Variants in XRCC4 observed in about 807,000 individuals in gnomAD.
XRCC4 encodes the protein X-ray repair cross complementing 4, also known as DNA repair protein XRCC4.
XRCC4 carries 28 observed loss-of-function variants against 39.1 expected under a neutral mutation model. The ratio of observed to expected loss-of-function variants is 0.72; its 90% CI spans 0.53 to 0.98. The LOEUF (loss-of-function observed/expected upper bound fraction) is 0.98, where lower values mean the gene tolerates loss of function less well. Among genes scored for constraint, XRCC4 ranks in the 50% least tolerant of loss-of-function variants. The pLI is 0.00. For missense variants in XRCC4, 350 were observed against 376.4 expected (o/e 0.93, Z 0.58); for synonymous variants, 123 against 126.4 (o/e 0.97, Z 0.18).
At chr5:83,186,897 T>C (rs796456762) in intron 3 of XRCC4, among the ~76,000 whole-genome samples, 3 of 152,226 alleles carry the variant, frequency 2.0e-5, no homozygotes, top group African/African-American at 7.2e-5. Context: ...CTTTCCCCGT[T>C]TCTAGAAACC....
chr5:83,253,490 G>A (rs1320609006), intron 6 of XRCC4, among the ~76,000 whole-genome samples: 1 of 138,064 alleles, frequency 7.2e-6, no homozygotes, highest in African/African-American at 3.5e-5. Flanking sequence ...ACATTGGGGT[G>A]TATGTTTGTG....
chr5:83,216,883 T>A (rs576591193), intron 6 of XRCC4, among the ~76,000 whole-genome samples: 3 of 152,282 alleles, frequency 2.0e-5, no homozygotes, highest in African/African-American at 7.2e-5. Flanking sequence ...TAAAACTGAT[T>A]GAGGTGATCG....
At chr5:83,235,533 C>A (rs1752657229) in intron 6 of XRCC4, among the ~76,000 whole-genome samples, 2 of 151,904 alleles carry the variant, frequency 1.3e-5, no homozygotes, top group African/African-American at 4.8e-5. Flanking sequence ...TAAAAAATAT[C>A]TCAACAAACT....
At chr5:83,205,867 A>G (rs1751400496) in intron 6 of XRCC4, among the ~76,000 whole-genome samples, 1 of 152,050 alleles carries the variant, frequency 6.6e-6, no homozygotes, top group Admixed American at 6.6e-5. Flanking sequence ...GGCCTCAGTG[A>G]GAAGGTGAAG....
chr5:83,326,879 C>T (rs896331359), intron 7 of XRCC4, among the ~76,000 whole-genome samples: 3 of 152,008 alleles, frequency 2.0e-5, no homozygotes, highest in African/African-American at 7.2e-5. Context: ...ATTCTTATTG[C>T]TGTTCCGTGA....
chr5:83,196,722 A>AAT (rs1354694466), intron 4 of XRCC4, among the ~76,000 whole-genome samples: 9 of 151,192 alleles, frequency 6.0e-5, no homozygotes, highest in Non-Finnish European at 1.2e-4. Context: ...AATTATGTGG[A>AAT]ATATATATAT....
chr5:83,108,704 A>C (rs560992299), intron 2 of XRCC4, among the ~76,000 whole-genome samples: 1 of 151,880 alleles, frequency 6.6e-6, no homozygotes, highest in Non-Finnish European at 1.5e-5. Flanking sequence ...GGCCGCATTA[A>C]AGATGGCATC....
chr5:83,257,590 G>T (rs1032178613), intron 6 of XRCC4, among the ~76,000 whole-genome samples: 4 of 152,178 alleles, frequency 2.6e-5, no homozygotes, highest in Non-Finnish European at 4.4e-5. Flanking sequence ...CTGTTGGTGG[G>T]AGTGTAAATT....
At chr5:83,107,563 TATC>T (rs1746256679) in intron 2 of XRCC4, among the ~76,000 whole-genome samples, 1 of 151,878 alleles carries the variant, frequency 6.6e-6, no homozygotes, top group African/African-American at 2.4e-5. Flanking sequence ...ATTATCTAAT[TATC>T]ATGTGGTCTA....
At chr5:83,343,711 T>G (rs1488005816) in intron 7 of XRCC4, among the ~76,000 whole-genome samples, 2 of 152,036 alleles carry the variant, frequency 1.3e-5, no homozygotes, top group African/African-American at 4.8e-5. Context: ...AATTTTAATA[T>G]TCTCCACTAT....
At chr5:83,308,574 G>T (rs1755571345) in intron 7 of XRCC4, among the ~76,000 whole-genome samples, 1 of 152,018 alleles carries the variant, frequency 6.6e-6, no homozygotes, top group Non-Finnish European at 1.5e-5. Context: ...TAATTCAAAG[G>T]CTCCCTTTAA....
chr5:83,178,087 A>C (rs1350607031), intron 3 of XRCC4, among the ~76,000 whole-genome samples: 1 of 152,090 alleles, frequency 6.6e-6, no homozygotes, highest in African/African-American at 2.4e-5. Flanking sequence ...GATGAGGGAG[A>C]TAAGAAGGAA....
intron 3 of XRCC4, among the ~76,000 whole-genome samples, chr5:83,162,313 T>A (rs1749254460): frequency 1.3e-5 from 2 of 152,250 alleles, no homozygotes; most frequent in Admixed American, 6.5e-5. Context: ...TAAAGTTGGT[T>A]ACCCTGCTTG....
chr5:83,133,982 TG>T (rs1326241106), intron 3 of XRCC4, among the ~76,000 whole-genome samples: 5 of 152,130 alleles, frequency 3.3e-5, no homozygotes, highest in African/African-American at 1.2e-4. Context: ...GGGCTGTGCG[TG>T]GTGCTCGCGG....
intron 7 of XRCC4, chr5:83,310,921 A>C: frequency 2.3e-6 from 1 of 444,356 alleles, no homozygotes. Flanking sequence ...AGCTCTAGGC[A>C]GTGGAAAAGC....
rs548222873 is a variant in XRCC4 at position 83,256,199 on chromosome 5, G to GC, written c.746-2329dup. On this transcript the variant is annotated intron_variant, in intron 6 of 7. Coordinates refer to ENST00000396027, the MANE Select transcript of XRCC4 (RefSeq NM_003401.5). The stretch of plus-strand genomic sequence containing the variant: ...TTCTGATCCCATCAGCCTGCTTCTG[G>GC]CCGGTGCATTCCTGATTAGATGCTA... Among the ~76,000 whole-genome samples, 328 of 152,208 alleles carry GC rather than the reference G, an allele frequency of 2.2e-3. 1 individual carries two copies. Among genetic ancestry groups the GC allele is most frequent in the African/African-American group, 7.4e-3 (309 of 41,524 alleles).
intron 3 of XRCC4, among the ~76,000 whole-genome samples, chr5:83,128,619 A>C (rs547827814): frequency 1.3e-5 from 2 of 152,156 alleles, no homozygotes; most frequent in South Asian, 4.1e-4. Context: ...AATTCTCCAG[A>C]TCTTCTCCAG....
chr5:83,144,237 C>T (rs1346075747), intron 3 of XRCC4, among the ~76,000 whole-genome samples: 1 of 146,594 alleles, frequency 6.8e-6, no homozygotes, highest in African/African-American at 2.5e-5. Context: ...GACATCATTT[C>T]CTTCTTTTTT....
At chr5:83,266,173 C>A (rs1224392522) in intron 7 of XRCC4, among the ~76,000 whole-genome samples, 5 of 151,420 alleles carry the variant, frequency 3.3e-5, no homozygotes, top group Non-Finnish European at 5.9e-5. Context: ...ACATGGCCGG[C>A]AAAGTTATTA....
Sources: gnomAD v4.1 joint callset for allele counts (sites outside exome capture counted in the v4.1 genomes callset) on GRCh38, gnomAD v4.1.1 for gene constraint, MANE v1.5 for transcripts, NCBI Gene and HGNC (gene_info 2026-07-23, HGNC 2026-07-21) for gene names.